Variants in SLC22A25 observed in about 807,000 individuals in gnomAD.
SLC22A25 encodes solute carrier family 22 member 25, also known as MGI:2442751, MGI:2385316, MGI:3042283, MGI:3645714, MGI:3605624, MGI:2442750.
In SLC22A25, 44 loss-of-function variants were observed where a neutral mutation model predicts 45.9. That is an observed-to-expected ratio of 0.96 (90% CI 0.75 to 1.23). SLC22A25 has a LOEUF of 1.23. Among genes scored for constraint, SLC22A25 ranks in the 50% most tolerant of loss-of-function variants. The pLI, the probability that SLC22A25 is intolerant of heterozygous loss-of-function variation, is 0.00. For synonymous variants in SLC22A25, 283 were observed against 238.6 expected (o/e 1.19, Z -1.72); for missense variants, 800 against 666.4 (o/e 1.20, Z -2.21).
intron 7 of SLC22A25, among the ~76,000 whole-genome samples, chr11:63,217,110 A>G (rs2089731095): frequency 2.6e-5 from 4 of 152,144 alleles, no homozygotes; most frequent in Non-Finnish European, 5.9e-5. Context: ...GTATTTGTTG[A>G]TTATCTTATA....
chr11:63,194,889 G>GAAAAAAAAAAAAAAAAA (rs1565091135), intron 7 of SLC22A25, among the ~76,000 whole-genome samples: 2 of 14,288 alleles, frequency 1.4e-4, no homozygotes, highest in Non-Finnish European at 2.8e-4. Flanking sequence ...CAAATGGAAA[G>GAAAAAAAAAAAAAAAAA]CAAAAAAAAA....
At chr11:63,243,409 G>T (rs1010164948) in intron 1 of SLC22A25, 25 bp downstream of exon 1, 9 of 720,088 alleles carry the variant, frequency 1.2e-5, no homozygotes, top group South Asian at 5.8e-5. Context: ...GTGAAGAAAA[G>T]GTTTTCCCTC....
intron 1 of SLC22A25, among the ~76,000 whole-genome samples, chr11:63,241,300 C>A (rs1024747605): frequency 6.6e-6 from 1 of 152,116 alleles, no homozygotes; most frequent in African/African-American, 2.4e-5. Context: ...CAGAAGGAAC[C>A]CTGTTTGCTT....
rs534752361 is a variant in SLC22A25 at position 63,186,396 on chromosome 11, T to C, written c.831-2579A>G. Among the ~76,000 whole-genome samples, 170 of 151,250 alleles carry C rather than the reference T, an allele frequency of 1.1e-3. 2 individuals carry two copies. In the South Asian group the frequency reaches 0.031, roughly 28 times the overall value. ...GCCCACTTTTTGTTGGGATTGTTTG[T>C]TTTTTTCTTGTAAATTTGTTTGAGT... On this transcript the variant is annotated intron_variant, in intron 7 of 11. Coordinates refer to ENST00000306494, the MANE Select transcript of SLC22A25 (RefSeq NM_199352.6).
chr11:63,177,209 T>C (rs1246520268), intron 9 of SLC22A25, among the ~76,000 whole-genome samples: 2 of 151,660 alleles, frequency 1.3e-5, no homozygotes, highest in East Asian at 3.9e-4. Flanking sequence ...TAGATGTGAA[T>C]TTTTTAAATT....
chr11:63,238,732 G>T lies in SLC22A25; in HGVS notation c.-592C>A. The T allele has an allele frequency of 4.9e-6, 1 of 205,644 alleles. No individual in the cohort carries two copies. The highest frequency in any genetic ancestry group is 1.0e-4 in the South Asian group (1 of 9,938). 12.7% of individuals were successfully genotyped at this position (205,644 alleles called of 1,614,324 possible). On this transcript the variant is annotated 5_prime_UTR_variant, in exon 2 of 12. Transcript: ENST00000306494. ...GGCCTCTTACCCAGTCACGATGGTGGAGAGGAAGGAGCTTCTGTTGTACAC... is the reference window on the plus strand; with the variant it reads ...GGCCTCTTACCCAGTCACGATGGTGTAGAGGAAGGAGCTTCTGTTGTACAC...
At chr11:63,173,722 A>G (rs1217423182) in intron 9 of SLC22A25, among the ~76,000 whole-genome samples, 2 of 152,078 alleles carry the variant, frequency 1.3e-5, no homozygotes, top group Non-Finnish European at 2.9e-5. Flanking sequence ...GCTCACTGCC[A>G]TGTACATTTC....
intron 3 of SLC22A25, among the ~76,000 whole-genome samples, chr11:63,232,298 T>G (rs2090083928): frequency 6.6e-6 from 1 of 152,164 alleles, no homozygotes; most frequent in Non-Finnish European, 1.5e-5. Context: ...TTGTATCCTC[T>G]TTTATTTGAT....
Position 63,189,115 on chromosome 11 carries a change from T to G in SLC22A25, c.831-5298A>C, listed in dbSNP as rs1236814953. On this transcript the variant is annotated intron_variant, in intron 7 of 11. Coordinates refer to ENST00000306494, the MANE Select transcript of SLC22A25 (RefSeq NM_199352.6). ...TGTATATCCTTGTTAACTTTCTGTC[T>G]CATTGATCTGTCTAATGTTGACAGT... Among the ~76,000 whole-genome samples the G allele has an allele frequency of 2.0e-5, 3 of 152,190 alleles. No individual in the cohort carries two copies. The East Asian group carries it at 5.8e-4, about 29-fold the overall frequency.
rs1463743212 is a variant in SLC22A25 at position 63,166,472 on chromosome 11, T to C, written c.1071-214A>G. The C allele has an allele frequency of 1.4e-5, 19 of 1,391,326 alleles. No homozygotes were observed. In the South Asian group the frequency reaches 3.1e-4, roughly 23 times the overall value. The allele number at this position is 1,391,326 out of a possible 1,614,324, so 86.2% of individuals were successfully genotyped here. A position where few individuals can be genotyped will look rare whatever the true frequency, so the allele number is the denominator to read the frequency against. ...CAATTGTATCTTGAGGGACAACAGA[T>C]GTTGTATGGAGGATGTGCTATGGGG... is the stretch of plus-strand genomic sequence containing the variant. On this transcript the variant is annotated intron_variant, in intron 9 of 11. Coordinates refer to ENST00000306494, the MANE Select transcript of SLC22A25 (RefSeq NM_199352.6).
intron 7 of SLC22A25, among the ~76,000 whole-genome samples, chr11:63,214,894 A>C (rs899107189): frequency 4.6e-5 from 7 of 152,126 alleles, no homozygotes; most frequent in Non-Finnish European, 5.9e-5. Flanking sequence ...ACAATCTCAC[A>C]TCAGTTAGAA....
intron 1 of SLC22A25, among the ~76,000 whole-genome samples, chr11:63,241,957 C>G (rs1407182759): frequency 6.6e-6 from 1 of 152,162 alleles, no homozygotes; most frequent in Non-Finnish European, 1.5e-5. Context: ...CTCTGTCAAA[C>G]AGAAATGAGG....
At chr11:63,181,457 G>A (rs1374590052) in intron 8 of SLC22A25, among the ~76,000 whole-genome samples, 1 of 138,552 alleles carries the variant, frequency 7.2e-6, no homozygotes, top group African/African-American at 2.7e-5. Context: ...TGTTCTCATT[G>A]TTCAATTCCC....
chr11:63,182,806 T>A (rs1387758455), intron 8 of SLC22A25, among the ~76,000 whole-genome samples: 2 of 152,276 alleles, frequency 1.3e-5, no homozygotes, highest in East Asian at 3.9e-4. Context: ...TCTTAAGAGA[T>A]GTTTTATTCA....
intron 3 of SLC22A25, among the ~76,000 whole-genome samples, 52 bp from the exon 4 acceptor site, chr11:63,230,148 A>G (rs1174765942): frequency 6.6e-6 from 1 of 152,168 alleles, no homozygotes; most frequent in Admixed American, 6.6e-5. Flanking sequence ...CCAATTTTTG[A>G]TTAAGGATTA....
At chr11:63,243,336 GA>G in intron 1 of SLC22A25, 97 bp downstream of exon 1, 1 of 530,256 alleles carries the variant, frequency 1.9e-6, no homozygotes, top group South Asian at 1.9e-5. Context: ...ATTTGGGATG[GA>G]AAAGCACCTT....
intron 7 of SLC22A25, among the ~76,000 whole-genome samples, chr11:63,196,830 A>G (rs915752521): frequency 6.6e-6 from 1 of 152,210 alleles, no homozygotes; most frequent in African/African-American, 2.4e-5. Flanking sequence ...CTGTTTGCAG[A>G]TGACATGATT....
At chr11:63,182,576 A>G (rs1054309667) in intron 8 of SLC22A25, among the ~76,000 whole-genome samples, 1 of 151,830 alleles carries the variant, frequency 6.6e-6, no homozygotes, top group Non-Finnish European at 1.5e-5. Flanking sequence ...TTCCTTTTTA[A>G]AAAAAATGCT....
At chr11:63,180,821 G>C in intron 8 of SLC22A25, 46 bp from the exon 9 acceptor site, 2 of 1,409,614 alleles carry the variant, frequency 1.4e-6, no homozygotes, top group Non-Finnish European at 2.0e-6. Context: ...GTCACAAAAT[G>C]GTAGGCATTG....
Sources: allele counts gnomAD v4.1 joint callset (sites outside exome capture counted in the v4.1 genomes callset), GRCh38; gene constraint gnomAD v4.1.1; transcripts MANE v1.5; gene names NCBI Gene and HGNC (gene_info 2026-07-23, HGNC 2026-07-21).